Variants in CDH10 observed in about 807,000 individuals in gnomAD.
The protein encoded by CDH10 is cadherin 10.
CDH10 carries 30 observed loss-of-function variants against 73.1 expected under a neutral mutation model. The ratio of observed to expected loss-of-function variants is 0.41; its 90% CI spans 0.31 to 0.56. The LOEUF (loss-of-function observed/expected upper bound fraction) is 0.56, where lower values mean the gene tolerates loss of function less well. Among genes scored for constraint, CDH10 ranks in the 20% least tolerant of loss-of-function variants. The pLI, the probability that CDH10 is intolerant of heterozygous loss-of-function variation, is 0.27. For synonymous variants in CDH10, 345 were observed against 348.2 expected (o/e 0.99, Z 0.10); for missense variants, 815 against 973.7 (o/e 0.84, Z 2.17).
At chr5:24,586,380 C>T (rs1273798639) in intron 2 of CDH10, among the ~76,000 whole-genome samples, 2 of 150,712 alleles carry the variant, frequency 1.3e-5, no homozygotes, top group Non-Finnish European at 2.9e-5. Context: ...AAAGTTGCTG[C>T]TCCCCTCTCA....
intron 7 of CDH10, among the ~76,000 whole-genome samples, chr5:24,508,363 A>G (rs950484021): frequency 3.9e-5 from 6 of 152,218 alleles, no homozygotes; most frequent in Non-Finnish European, 7.3e-5. Context: ...TAAGAAGGAA[A>G]ACAAGAATTG....
chr5:24,631,153 G>A lies in CDH10; in HGVS notation c.-124+13441C>T, dbSNP rs138079728. Among the ~76,000 whole-genome samples, 802 of 152,204 alleles carry A rather than the reference G, an allele frequency of 5.3e-3. 5 individuals are homozygous for A. The highest frequency in any genetic ancestry group is 0.019 in the African/African-American group (769 of 41,534). ...ATACTGAGCTAGTGAGTAACACAAAGTGTCACTGCCTTAAGGACTTAGGTT... is the reference window on the plus strand; with the variant it reads ...ATACTGAGCTAGTGAGTAACACAAAATGTCACTGCCTTAAGGACTTAGGTT... On this transcript the variant is annotated intron_variant, in intron 1 of 11. Coordinates refer to ENST00000264463, the MANE Select transcript of CDH10 (RefSeq NM_006727.5).
intron 2 of CDH10, among the ~76,000 whole-genome samples, chr5:24,548,177 G>A (rs1009442271): frequency 6.6e-6 from 1 of 151,120 alleles, no homozygotes; most frequent in Non-Finnish European, 1.5e-5. Context: ...ACCTAGGCTG[G>A]AGTGCAGTGG....
intron 2 of CDH10, among the ~76,000 whole-genome samples, chr5:24,545,644 T>C (rs751373724): frequency 9.2e-5 from 14 of 151,922 alleles, no homozygotes; most frequent in Non-Finnish European, 2.1e-4. Flanking sequence ...GACTCCTCTC[T>C]ACATTTTTTT....
intron 5 of CDH10, among the ~76,000 whole-genome samples, chr5:24,520,892 A>AT (rs1743304411): frequency 2.6e-5 from 3 of 114,080 alleles, no homozygotes; most frequent in East Asian, 3.1e-4. Flanking sequence ...GCACCCGGCA[A>AT]ATTTTTTTTT....
chr5:24,510,989 A>T (rs1561131840), intron 6 of CDH10, among the ~76,000 whole-genome samples: 1 of 152,204 alleles, frequency 6.6e-6, no homozygotes, highest in Admixed American at 6.5e-5. Flanking sequence ...GGGATGATAT[A>T]TTGCCATTAT....
At chr5:24,499,733 A>AG (rs398108704) in intron 8 of CDH10, among the ~76,000 whole-genome samples, 5 of 150,650 alleles carry the variant, frequency 3.3e-5, no homozygotes, top group African/African-American at 4.9e-5. Context: ...TGATATGTAA[A>AG]TTAATAAAAA....
At chr5:24,490,799 T>C (rs16893428) in intron 11 of CDH10, among the ~76,000 whole-genome samples, 6,902 of 152,262 alleles carry the variant, frequency 0.045, 242 homozygotes, top group East Asian at 0.11. Flanking sequence ...TATTTAACTT[T>C]ATTTTGTATA....
chr5:24,604,522 T>C (rs1418732250), intron 1 of CDH10, among the ~76,000 whole-genome samples: 1 of 152,100 alleles, frequency 6.6e-6, no homozygotes, highest in Non-Finnish European at 1.5e-5. Context: ...ACAAATTGCA[T>C]TTGATGAAAA....
At chr5:24,514,464 C>T (rs1743033710) in intron 5 of CDH10, among the ~76,000 whole-genome samples, 1 of 152,110 alleles carries the variant, frequency 6.6e-6, no homozygotes, top group Non-Finnish European at 1.5e-5. Context: ...GCCTGATAAC[C>T]ACATCCTCTT....
intron 2 of CDH10, among the ~76,000 whole-genome samples, chr5:24,556,855 G>T (rs930662091): frequency 7.9e-5 from 12 of 151,656 alleles, no homozygotes; most frequent in Admixed American, 5.9e-4. Context: ...ATAATTCTGT[G>T]ATATTATTAC....
chr5:24,639,619 A>T (rs971745782), intron 1 of CDH10, among the ~76,000 whole-genome samples: 1 of 151,750 alleles, frequency 6.6e-6, no homozygotes, highest in African/African-American at 2.4e-5. Flanking sequence ...TGGAAACAAA[A>T]GCAATGGTAG....
intron 1 of CDH10, among the ~76,000 whole-genome samples, chr5:24,601,868 C>A (rs2112119694): frequency 6.6e-6 from 1 of 152,254 alleles, no homozygotes; most frequent in Non-Finnish European, 1.5e-5. Flanking sequence ...CTCCAACACT[C>A]ATTACATTCA....
At chr5:24,530,584 C>T (rs1218446959) in intron 5 of CDH10, among the ~76,000 whole-genome samples, 1 of 151,668 alleles carries the variant, frequency 6.6e-6, no homozygotes, top group East Asian at 1.9e-4. Flanking sequence ...CAAAATGAAA[C>T]AGAAAAAAAT....
chr5:24,495,782 G>T (rs1165444629), intron 9 of CDH10, among the ~76,000 whole-genome samples: 2 of 151,598 alleles, frequency 1.3e-5, no homozygotes, highest in Non-Finnish European at 2.9e-5. Context: ...AACCCAGGAG[G>T]CGGAGGTTGC....
chr5:24,525,320 T>A (rs1324047675), intron 5 of CDH10, among the ~76,000 whole-genome samples: 1 of 152,048 alleles, frequency 6.6e-6, no homozygotes, highest in Non-Finnish European at 1.5e-5. Context: ...TCTCCAGAGT[T>A]GAGATGAAAA....
At chr5:24,528,687 A>G (rs1743622282) in intron 5 of CDH10, among the ~76,000 whole-genome samples, 1 of 152,034 alleles carries the variant, frequency 6.6e-6, no homozygotes, top group Non-Finnish European at 1.5e-5. Flanking sequence ...ATCAACATGC[A>G]TACACATTTT....
chr5:24,598,514 G>A (rs1174253399), intron 1 of CDH10, among the ~76,000 whole-genome samples: 2 of 148,814 alleles, frequency 1.3e-5, no homozygotes, highest in Non-Finnish European at 3.0e-5. Flanking sequence ...ATTTCAATAC[G>A]AAAGAAACTT....
chr5:24,642,853 A>G (rs1347970140), intron 1 of CDH10, among the ~76,000 whole-genome samples: 2 of 151,138 alleles, frequency 1.3e-5, no homozygotes, highest in Non-Finnish European at 2.9e-5. Context: ...CTATTCTTTG[A>G]TTGAAGTCAG....
Sources: gnomAD v4.1 joint callset for allele counts (sites outside exome capture counted in the v4.1 genomes callset) on GRCh38, gnomAD v4.1.1 for gene constraint, MANE v1.5 for transcripts, NCBI Gene and HGNC (gene_info 2026-07-23, HGNC 2026-07-21) for gene names.